The following FRMD6 variants were observed in gnomAD, a reference collection of about 807,000 sequenced individuals.
The protein encoded by FRMD6 is FERM domain containing 6.
Under a neutral mutation model 73.2 loss-of-function variants are expected in FRMD6, and 37 were observed. The observed-to-expected ratio is 0.51, with a 90% CI of 0.39 to 0.66. FRMD6 has a LOEUF of 0.66. FRMD6 is among the 30% of genes least tolerant of loss of function. The probability of loss-of-function intolerance (pLI) is 0.00; values close to 1 mark genes in which losing one functional copy is unlikely to be tolerated. For synonymous variants in FRMD6, 273 were observed against 282.2 expected (o/e 0.97, Z 0.33); for missense variants, 714 against 780.5 (o/e 0.91, Z 1.02).
chr14:51,555,649 A>G (rs1887085318), intron 1 of FRMD6, among the ~76,000 whole-genome samples: 1 of 152,064 alleles, frequency 6.6e-6, no homozygotes, highest in Non-Finnish European at 1.5e-5. Flanking sequence ...CTAAAAACAC[A>G]AAATTAGCTG....
chr14:51,690,056 A>G, intron 2 of FRMD6, 121 bp downstream of exon 2: 1 of 728,280 alleles, frequency 1.4e-6, no homozygotes, highest in Non-Finnish European at 2.5e-6. Flanking sequence ...ATGTGGCAGA[A>G]TTGGGTTGTC....
chr14:51,437,137 G>GC, the FRMD6 span, among the ~76,000 whole-genome samples: 1 of 151,984 alleles, frequency 6.6e-6, no homozygotes, highest in Non-Finnish European at 1.5e-5. Context: ...CCTCCCCCGG[G>GC]CCCCCACCCC....
At chr14:51,436,210 A>T in the FRMD6 span, 1 of 340,568 alleles carries the variant, frequency 2.9e-6, no homozygotes, top group Non-Finnish European at 5.6e-6. Flanking sequence ...GACAGACTTA[A>T]TGAACAAGCC....
chr14:51,566,556 TG>T (rs1887785357), intron 1 of FRMD6, among the ~76,000 whole-genome samples: 1 of 152,236 alleles, frequency 6.6e-6, no homozygotes, highest in Non-Finnish European at 1.5e-5. Context: ...TTGTTTCACC[TG>T]GGTCTTTTTA....
chr14:51,396,904 G>T, the FRMD6 span: 1 of 152,170 alleles, frequency 6.6e-6, no homozygotes, highest in East Asian at 1.9e-4. Context: ...TGCAGAAGGG[G>T]CTATTCTGTA....
At chr14:51,420,584 T>C in the FRMD6 span, among the ~76,000 whole-genome samples, 3 of 152,158 alleles carry the variant, frequency 2.0e-5, no homozygotes, top group African/African-American at 7.2e-5. Flanking sequence ...TCAAAAATAC[T>C]TGGAAAAAAA....
intron 1 of FRMD6, among the ~76,000 whole-genome samples, chr14:51,564,563 A>G (rs1216980255): frequency 6.6e-6 from 1 of 152,176 alleles, no homozygotes; most frequent in Non-Finnish European, 1.5e-5. Flanking sequence ...GCTTTGACAG[A>G]GAGAGATTAT....
intron 2 of FRMD6, among the ~76,000 whole-genome samples, chr14:51,616,800 G>A (rs1890733394): frequency 1.3e-5 from 2 of 152,128 alleles, no homozygotes; most frequent in Non-Finnish European, 2.9e-5. Context: ...AGGAACATGA[G>A]CCAAAAAACA....
chr14:51,626,237 C>T (rs1891110563), intron 2 of FRMD6, among the ~76,000 whole-genome samples: 1 of 152,184 alleles, frequency 6.6e-6, no homozygotes, highest in African/African-American at 2.4e-5. Flanking sequence ...TTTCTCTTTA[C>T]TGAATTTTGA....
the FRMD6 span, among the ~76,000 whole-genome samples, chr14:51,432,728 T>C: frequency 6.6e-6 from 1 of 152,166 alleles, no homozygotes; most frequent in African/African-American, 2.4e-5. Flanking sequence ...CAAACTGCAG[T>C]ACTGAGGTCA....
chr14:51,697,436 T>TA (rs1274511475), intron 2 of FRMD6, among the ~76,000 whole-genome samples: 1 of 152,010 alleles, frequency 6.6e-6, no homozygotes, highest in Non-Finnish European at 1.5e-5. Flanking sequence ...CTGCATAATC[T>TA]AAAAAAGTCT....
At chr14:51,727,450 G>C (rs1324576629) in intron 13 of FRMD6, among the ~76,000 whole-genome samples, 2 of 152,182 alleles carry the variant, frequency 1.3e-5, no homozygotes, top group African/African-American at 2.4e-5. Flanking sequence ...TGAGGAGAAT[G>C]ATAGTGCCTG....
chr14:51,669,772 T>C (rs1893863743), intron 1 of FRMD6, among the ~76,000 whole-genome samples: 1 of 152,198 alleles, frequency 6.6e-6, no homozygotes, highest in South Asian at 2.1e-4. Context: ...TTTCCAAATA[T>C]GTTTTGAAAA....
At chr14:51,419,535 AG>A in the FRMD6 span, among the ~76,000 whole-genome samples, 1 of 152,180 alleles carries the variant, frequency 6.6e-6, no homozygotes, top group African/African-American at 2.4e-5. Context: ...GGAGGCATGT[AG>A]CTTTTCCTCT....
chr14:51,470,457 G>A, the FRMD6 span, among the ~76,000 whole-genome samples: 8 of 152,028 alleles, frequency 5.3e-5, 1 homozygote, highest in African/African-American at 1.4e-4. Flanking sequence ...CCGAGATTGC[G>A]CCACTGCAGT....
intron 2 of FRMD6, among the ~76,000 whole-genome samples, chr14:51,624,410 T>G (rs1338110655): frequency 3.3e-5 from 5 of 152,228 alleles, no homozygotes; most frequent in Non-Finnish European, 5.9e-5. Flanking sequence ...TGAAAAGTAC[T>G]ATTCAAAAAT....
rs556568428 is a variant in FRMD6, at chr14:51,628,111, T to C, written c.-147+57701T>C. On this transcript the variant is annotated intron_variant, in intron 2 of 14. Transcript: ENST00000356218. Reference sequence around the variant, plus strand: ...ATGCAATTTTTTTTCCAAACATTTTTCATCTGTAGTAAGTTGAATCCACAG... The same window carrying C: ...ATGCAATTTTTTTTCCAAACATTTTCCATCTGTAGTAAGTTGAATCCACAG... Among the ~76,000 whole-genome samples, 5 of 152,370 alleles carry C rather than the reference T, an allele frequency of 3.3e-5. No homozygotes were observed. The East Asian group carries it at 5.8e-4, about 18-fold the overall frequency.
chr14:51,668,442 A>C (rs905161991), intron 1 of FRMD6, among the ~76,000 whole-genome samples: 3 of 151,834 alleles, frequency 2.0e-5, no homozygotes, highest in African/African-American at 7.3e-5. Context: ...AGTAGCTGGG[A>C]TTACAGGCAT....
chr14:51,629,341 C>T (rs1356877194), intron 2 of FRMD6, among the ~76,000 whole-genome samples: 2 of 152,216 alleles, frequency 1.3e-5, no homozygotes, highest in African/African-American at 4.8e-5. Context: ...CATTCACATA[C>T]ATGTCTTGGT....
Sources: gnomAD v4.1 joint callset for allele counts (sites outside exome capture counted in the v4.1 genomes callset) on GRCh38, gnomAD v4.1.1 for gene constraint, MANE v1.5 for transcripts, NCBI Gene and HGNC (gene_info 2026-07-23, HGNC 2026-07-21) for gene names.